Variants in STPG2 observed in about 807,000 individuals in gnomAD.
STPG2 encodes the protein sperm tail PG-rich repeat containing 2, also known as sperm-tail PG-rich repeat-containing protein 2.
STPG2 carries 56 observed loss-of-function variants against 54.2 expected under a neutral mutation model. The observed-to-expected ratio is 1.03, with a 90% CI of 0.83 to 1.29. The LOEUF is 1.29. STPG2 is among the 50% of genes most tolerant of loss of function. The pLI is 0.00. For synonymous variants in STPG2, 200 were observed against 181.8 expected (o/e 1.10, Z -0.81); for missense variants, 596 against 544.9 (o/e 1.09, Z -0.93).
intron 5 of STPG2, among the ~76,000 whole-genome samples, chr4:98,039,691 T>C (rs1410772247): frequency 1.4e-5 from 2 of 143,180 alleles, no homozygotes; most frequent in Non-Finnish European, 3.1e-5. Context: ...TACATATATA[T>C]ATATATATCT....
intron 9 of STPG2, among the ~76,000 whole-genome samples, chr4:97,769,754 T>A (rs1440123687): frequency 6.6e-6 from 1 of 152,102 alleles, no homozygotes; most frequent in Admixed American, 6.6e-5. Flanking sequence ...TACACAGATA[T>A]GTCAAATTTA....
rs532823480 is a variant in STPG2 at position 97,863,942 on chromosome 4, G to A, written c.1045-23010C>T. On this transcript the variant is annotated intron_variant, in intron 8 of 10. Transcript: ENST00000295268. ...TCAATAAATTAGGTATTGATGGGAT[G>A]TATCTAAAAATAATAAGAGCTATTT... Among the ~76,000 whole-genome samples, 7 of 152,194 alleles carry A rather than the reference G, an allele frequency of 4.6e-5. No homozygotes were observed. In the South Asian group the frequency reaches 1.0e-3, roughly 23 times the overall value.
At chr4:97,713,232 C>T (rs111360217) in intron 9 of STPG2, among the ~76,000 whole-genome samples, 9 of 152,172 alleles carry the variant, frequency 5.9e-5, no homozygotes, top group South Asian at 2.1e-4. Flanking sequence ...GTAAACATTA[C>T]GGAAATCAAG....
intron 8 of STPG2, among the ~76,000 whole-genome samples, chr4:97,905,768 A>C (rs1731388624): frequency 6.6e-6 from 1 of 152,174 alleles, no homozygotes; most frequent in Non-Finnish European, 1.5e-5. Flanking sequence ...AAGATCTACC[A>C]AGCAAATGGA....
At chr4:97,522,217 T>C (rs913123154) in intron 4 of STPG2, among the ~76,000 whole-genome samples, 2 of 152,082 alleles carry the variant, frequency 1.3e-5, no homozygotes, top group East Asian at 1.9e-4. Flanking sequence ...ATTTAATAAT[T>C]TGATGCTACT....
At chr4:97,501,316 T>C (rs1175898889) in intron 4 of STPG2, among the ~76,000 whole-genome samples, 3 of 151,366 alleles carry the variant, frequency 2.0e-5, no homozygotes, top group Non-Finnish European at 4.4e-5. Flanking sequence ...ATTTTAAAAA[T>C]TCAAAGAAAT....
Position 97,984,098 on chromosome 4 carries a change from A to C in STPG2, c.613-2780T>G, listed in dbSNP as rs78236937. ...TCTAAGATAGTTTTATAATTGCTTT[A>C]CCCATACCATCCCAATAAACCAACC... On this transcript the variant is annotated intron_variant, in intron 5 of 10. Coordinates refer to ENST00000295268, the MANE Select transcript of STPG2 (RefSeq NM_174952.3). Among the ~76,000 whole-genome samples, 323 of 152,236 alleles carry C rather than the reference A, an allele frequency of 2.1e-3. 6 individuals carry two copies. In the East Asian group the frequency reaches 0.032, roughly 15 times the overall value.
intron 5 of STPG2, among the ~76,000 whole-genome samples, chr4:97,997,499 G>A (rs777703088): frequency 6.6e-6 from 1 of 152,114 alleles, no homozygotes; most frequent in Non-Finnish European, 1.5e-5. Flanking sequence ...CAAGGGGGTG[G>A]TGCTAAACTA....
intron 10 of STPG2, among the ~76,000 whole-genome samples, chr4:97,601,590 G>A (rs768887375): frequency 2.0e-5 from 3 of 151,658 alleles, no homozygotes. Flanking sequence ...AATCCATCTT[G>A]AGCTGATTTT....
At chr4:97,702,044 T>TTCTGGA (rs1278773556) in intron 10 of STPG2, among the ~76,000 whole-genome samples, 1 of 152,198 alleles carries the variant, frequency 6.6e-6, no homozygotes, top group Non-Finnish European at 1.5e-5. Context: ...AGGGGATGTC[T>TTCTGGA]TCTGGATCCT....
intron 4 of STPG2, among the ~76,000 whole-genome samples, chr4:97,456,696 C>A (rs1729529839): frequency 6.6e-6 from 1 of 151,422 alleles, no homozygotes; most frequent in Non-Finnish European, 1.5e-5. Flanking sequence ...GAGATCAGGA[C>A]CATCCTGGCT....
At chr4:97,877,592 T>C (rs753528542) in intron 8 of STPG2, among the ~76,000 whole-genome samples, 3 of 152,084 alleles carry the variant, frequency 2.0e-5, no homozygotes, top group Non-Finnish European at 4.4e-5. Flanking sequence ...CCATCAGATC[T>C]CAAGAGACTT....
chr4:97,717,221 A>C (rs1454067358), intron 9 of STPG2, among the ~76,000 whole-genome samples: 1 of 152,182 alleles, frequency 6.6e-6, no homozygotes, highest in Non-Finnish European at 1.5e-5. Context: ...TTTAAACAAA[A>C]TGTCCATGTT....
chr4:97,684,796 A>G (rs571580286), intron 10 of STPG2, among the ~76,000 whole-genome samples: 1 of 152,064 alleles, frequency 6.6e-6, no homozygotes, highest in East Asian at 1.9e-4. Flanking sequence ...CACTATTAGG[A>G]GAATGAAGAG....
intron 9 of STPG2, among the ~76,000 whole-genome samples, chr4:97,721,141 C>G (rs185316335): frequency 1.3e-5 from 2 of 152,076 alleles, no homozygotes; most frequent in African/African-American, 4.8e-5. Context: ...TAGGCAAGCA[C>G]GTATAGCAAG....
intron 9 of STPG2, among the ~76,000 whole-genome samples, chr4:97,737,057 A>T (rs1025645990): frequency 2.6e-5 from 4 of 152,196 alleles, no homozygotes; most frequent in Non-Finnish European, 5.9e-5. Flanking sequence ...GTTCACAAAA[A>T]TACGCTGTTC....
intron 4 of STPG2, among the ~76,000 whole-genome samples, chr4:97,462,497 T>C (rs1288211816): frequency 6.6e-6 from 1 of 152,088 alleles, no homozygotes; most frequent in African/African-American, 2.4e-5. Context: ...AGGTCAATTT[T>C]TGGAAAACTA....
At chr4:97,677,458 A>G (rs1722886591) in intron 10 of STPG2, among the ~76,000 whole-genome samples, 1 of 152,198 alleles carries the variant, frequency 6.6e-6, no homozygotes, top group African/African-American at 2.4e-5. Context: ...TTGAATGTGT[A>G]CCTGTATTCT....
chr4:97,498,408 C>T (rs1024476511), intron 4 of STPG2, among the ~76,000 whole-genome samples: 41 of 151,958 alleles, frequency 2.7e-4, no homozygotes, highest in Admixed American at 2.6e-3. Flanking sequence ...TAAAGATCTG[C>T]TTTAGCATTT....
Sources: gnomAD v4.1 joint callset for allele counts (sites outside exome capture counted in the v4.1 genomes callset) on GRCh38, gnomAD v4.1.1 for gene constraint, MANE v1.5 for transcripts, NCBI Gene and HGNC (gene_info 2026-07-23, HGNC 2026-07-21) for gene names.